Variants in LARP1B observed in about 807,000 individuals in gnomAD.
The protein encoded by LARP1B is La ribonucleoprotein 1B, also known as la-related protein 1B.
LARP1B carries 76 observed loss-of-function variants against 114.2 expected under a neutral mutation model. That is an observed-to-expected ratio of 0.67 (90% CI 0.55 to 0.81). The LOEUF is 0.81. LARP1B is among the 30% of genes least tolerant of loss of function. The pLI is 0.00. For synonymous variants in LARP1B, 345 were observed against 348.0 expected (o/e 0.99, Z 0.10); for missense variants, 1,014 against 1,075.8 (o/e 0.94, Z 0.80).
chr4:128,087,641 C>A (rs894961030), intron 5 of LARP1B, among the ~76,000 whole-genome samples: 1 of 152,170 alleles, frequency 6.6e-6, no homozygotes, highest in African/African-American at 2.4e-5. Flanking sequence ...CTAAGAAAAT[C>A]ACACTAGTTT....
intron 5 of LARP1B, among the ~76,000 whole-genome samples, chr4:128,090,456 A>T (rs1222704737): frequency 6.6e-6 from 1 of 152,020 alleles, no homozygotes; most frequent in Admixed American, 6.6e-5. Context: ...TGTATTTTAG[A>T]TATTTTTCCC....
At chr4:128,069,295 C>G (rs1292488163) in intron 1 of LARP1B, 1 of 864,202 alleles carries the variant, frequency 1.2e-6, no homozygotes, top group Non-Finnish European at 2.0e-6. Flanking sequence ...ACTTTTAGAG[C>G]CCCACAGTGG....
chr4:128,100,925 C>T (rs369820555), intron 8 of LARP1B, among the ~76,000 whole-genome samples: 1 of 150,156 alleles, frequency 6.7e-6, no homozygotes, highest in Non-Finnish European at 1.5e-5. Flanking sequence ...TCAAGCGAGT[C>T]TCCTGCCTCA....
At chr4:128,098,462 G>T in intron 8 of LARP1B, 132 bp downstream of exon 8, 1 of 656,962 alleles carries the variant, frequency 1.5e-6, no homozygotes, top group Non-Finnish European at 2.4e-6. Context: ...ATTCCATGAT[G>T]TTTTTCTATT....
upstream of LARP1B, among the ~76,000 whole-genome samples, chr4:128,060,986 C>A (rs1759933181): frequency 6.6e-6 from 1 of 151,972 alleles, no homozygotes; most frequent in Non-Finnish European, 1.5e-5. Context: ...CCGCCCAGGC[C>A]CTTGGCCGCC....
At chr4:128,083,070 C>T (rs1031139271) in intron 5 of LARP1B, among the ~76,000 whole-genome samples, 16 of 151,946 alleles carry the variant, frequency 1.1e-4, no homozygotes, top group Admixed American at 9.8e-4. Flanking sequence ...CATCTTGCAC[C>T]GCCCTTAATC....
intron 1 of LARP1B, among the ~76,000 whole-genome samples, chr4:128,073,797 G>A (rs2149380599): frequency 6.6e-6 from 1 of 151,606 alleles, no homozygotes; most frequent in South Asian, 2.1e-4. Context: ...CACCATGTTG[G>A]CCAGGCTGGT....
chr4:128,191,606 A>G (rs1219237530), intron 15 of LARP1B, among the ~76,000 whole-genome samples: 1 of 152,144 alleles, frequency 6.6e-6, no homozygotes, highest in African/African-American at 2.4e-5. Context: ...GTTTGTACCC[A>G]GAAAACTCAT....
rs768853753 is a variant in LARP1B at position 128,122,017 on chromosome 4, A to G, written c.1353A>G (p.Val451=). 1.2e-6 allele frequency: 2 copies of G among 1,613,746 alleles called. No individual in the cohort carries two copies. The highest frequency in any genetic ancestry group is 1.7e-5 in the Admixed American group (1 of 60,024). The stretch of plus-strand genomic sequence containing the variant: ...AAGACTTAAACAAGATTTTGATTGT[A>G]ACTCAGACACCACCTTATGTGAAAA... The part of the protein sequence containing the change: ...DDQDLNKILI[V]TQTPPYVKKH... The change falls in exon 11 of 20, where the codon GTA becomes GTG. Residue 451 remains valine (V), a synonymous_variant. Transcript: ENST00000326639.
chr4:128,062,019 CGCCGCCGTCGCCGTT>C, intron 1 of LARP1B: 1 of 985,166 alleles, frequency 1.0e-6, no homozygotes, highest in Non-Finnish European at 1.2e-6. Context: ...CCGCCACCGC[CGCCGCCGTCGCCGTT>C]GCCGCCGTTG....
intron 11 of LARP1B, among the ~76,000 whole-genome samples, chr4:128,128,441 ACAT>A (rs1790364192): frequency 6.6e-6 from 1 of 152,344 alleles, no homozygotes; most frequent in Non-Finnish European, 1.5e-5. Context: ...AACCTACCAC[ACAT>A]CATAGCTTAG....
chr4:128,061,571 GC>G (rs908086699), intron 1 of LARP1B, 170 bp downstream of exon 1: 11 of 644,958 alleles, frequency 1.7e-5, no homozygotes, highest in Non-Finnish European at 2.1e-5. Flanking sequence ...GGCGGCCACG[GC>G]CGCCGGGCTC....
chr4:128,111,119 T>C (rs924316857), intron 9 of LARP1B, among the ~76,000 whole-genome samples: 1 of 151,492 alleles, frequency 6.6e-6, no homozygotes, highest in Non-Finnish European at 1.5e-5. Context: ...CGATCTCTGC[T>C]CACTGCAGAC....
At chr4:128,076,606 A>C (rs1269248128) in intron 3 of LARP1B, among the ~76,000 whole-genome samples, 1 of 152,200 alleles carries the variant, frequency 6.6e-6, no homozygotes, top group Non-Finnish European at 1.5e-5. Context: ...TTTCTTGGAT[A>C]TGTAACTAGG....
rs147205423 is a variant in LARP1B, at chr4:128,200,652, A to G, written c.2296A>G (p.Lys766Glu). ...EFRQLAWEDAKENYRYGLECL... is the reference protein window; with the variant it reads ...EFRQLAWEDAEENYRYGLECL... ...TAGACAACTTGCTTGGGAAGATGCAAAAGAAAATTACAGGTCAGATATTTT... is the reference window on the plus strand; with the variant it reads ...TAGACAACTTGCTTGGGAAGATGCAGAAGAAAATTACAGGTCAGATATTTT... The change falls in exon 17 of 20, where the codon AAA becomes GAA. Residue 766 changes from lysine (K) to glutamate (E), a missense_variant. Physicochemically the swap from Lys to Glu is moderately conservative, Grantham distance 56. Coordinates refer to ENST00000326639, the MANE Select transcript of LARP1B (RefSeq NM_018078.4). 286 of 1,577,734 alleles carry G rather than the reference A, an allele frequency of 1.8e-4. No individual in the cohort carries two copies. The African/African-American group carries it at 3.6e-3, about 20-fold the overall frequency.
At chr4:128,085,353 CTTTTTTTT>C (rs35260726) in intron 5 of LARP1B, among the ~76,000 whole-genome samples, 1 of 85,846 alleles carries the variant, frequency 1.2e-5, no homozygotes, top group African/African-American at 4.6e-5. Context: ...CCTTAGCTTC[CTTTTTTTT>C]TTTTTTTTTT....
At position 128,210,546 on chromosome 4, in the gene LARP1B, G is replaced by A. The variant is rs142186895; in HGVS notation, c.*493G>A. ...ACTTACCAAAACAAAGGAGGATTAC[G>A]TATATGTTTTTTAAATTCAAAAAAG... On this transcript the variant is annotated 3_prime_UTR_variant, in exon 20 of 20. Transcript: ENST00000326639. The A allele has an allele frequency of 6.9e-4, 668 of 962,318 alleles. 23 individuals carry two copies. In the Admixed American group the frequency reaches 0.033, roughly 47 times the overall value. 59.6% of individuals were successfully genotyped at this position (962,318 alleles called of 1,614,324 possible). A position where few individuals can be genotyped will look rare whatever the true frequency, so the allele number is the denominator to read the frequency against.
chr4:128,143,798 T>G lies in LARP1B; in HGVS notation c.1525-18396T>G, dbSNP rs187120839. ...AACATAGATAAGTTAAGGCACAGGG[T>G]GTGTGTGTGTGTGTGTGTGTATCTA... is the stretch of plus-strand genomic sequence containing the variant. On this transcript the variant is annotated intron_variant, in intron 11 of 19. Coordinates refer to ENST00000326639, the MANE Select transcript of LARP1B (RefSeq NM_018078.4). Among the ~76,000 whole-genome samples the G allele has an allele frequency of 1.2e-3, 187 of 150,124 alleles. 3 individuals carry two copies. In the East Asian group the frequency reaches 0.031, roughly 25 times the overall value.
intron 15 of LARP1B, among the ~76,000 whole-genome samples, chr4:128,189,263 T>C (rs1438327882): frequency 6.8e-5 from 1 of 14,790 alleles, no homozygotes; most frequent in Non-Finnish European, 2.1e-4. Flanking sequence ...TTCCGTGTCC[T>C]TTTTTTTTTT....
Sources: allele counts gnomAD v4.1 joint callset (sites outside exome capture counted in the v4.1 genomes callset), GRCh38; gene constraint gnomAD v4.1.1; transcripts MANE v1.5; gene names NCBI Gene and HGNC (gene_info 2026-07-23, HGNC 2026-07-21).